The following CPD variants were observed in gnomAD, a reference collection of about 807,000 sequenced individuals.
The protein encoded by CPD is carboxypeptidase D.
Under a neutral mutation model 138.3 loss-of-function variants are expected in CPD, and 69 were observed. That is an observed-to-expected ratio of 0.50 (90% CI 0.41 to 0.61). The LOEUF (loss-of-function observed/expected upper bound fraction) is 0.61. Among genes scored for constraint, CPD ranks in the 20% least tolerant of loss-of-function variants. The pLI is 0.00. For missense variants in CPD, 1,432 were observed against 1,733.3 expected (o/e 0.83, Z 3.09); for synonymous variants, 651 against 642.1 (o/e 1.01, Z -0.21).
chr17:30,381,213 G>C (rs543029135), intron 1 of CPD, among the ~76,000 whole-genome samples: 41 of 152,040 alleles, frequency 2.7e-4, no homozygotes, highest in African/African-American at 9.4e-4. Context: ...ATATGACTTT[G>C]ACATACACTT....
chr17:30,460,966 C>T lies in CPD; in HGVS notation c.3499-214C>T, dbSNP rs560844723. On this transcript the variant is annotated intron_variant, in intron 17 of 20. Coordinates refer to ENST00000225719, the MANE Select transcript of CPD (RefSeq NM_001304.5). ...AGCACTGAAGATAGGAAAATGAATT[C>T]GACATAGCCCCTGTCCTCAAGGGCT... Among the ~76,000 whole-genome samples, 10 of 152,270 alleles carry T rather than the reference C, an allele frequency of 6.6e-5. No individual in the cohort carries two copies. The South Asian group carries it at 8.3e-4, about 13-fold the overall frequency.
intron 2 of CPD, among the ~76,000 whole-genome samples, chr17:30,400,235 G>T (rs556033663): frequency 6.6e-6 from 1 of 152,142 alleles, no homozygotes; most frequent in South Asian, 2.1e-4. Context: ...TGTTTTCAAC[G>T]ATATCTTTTA....
chr17:30,388,394 C>T (rs1452354388), intron 2 of CPD, among the ~76,000 whole-genome samples: 2 of 152,200 alleles, frequency 1.3e-5, no homozygotes, highest in Admixed American at 1.3e-4. Flanking sequence ...CTAAGGGGCA[C>T]CTGCAAGCCA....
At chr17:30,406,011 C>T (rs1325523321) in intron 2 of CPD, among the ~76,000 whole-genome samples, 3 of 151,972 alleles carry the variant, frequency 2.0e-5, no homozygotes, top group Admixed American at 6.6e-5. Flanking sequence ...TCATCCTATA[C>T]ATTTTGTGAT....
Position 30,442,336 on chromosome 17 carries a change from A to G in CPD, c.2259A>G (p.Gln753=), listed in dbSNP as rs766978647. The change falls in exon 10 of 21, where the codon CAA becomes CAG. Residue 753 remains glutamine (Q), a synonymous_variant. Coordinates refer to ENST00000225719, the MANE Select transcript of CPD (RefSeq NM_001304.5). ...PGGMQDWNYL[Q]TNCFEVTIEL... ...GAATGCAGGACTGGAACTATTTACA[A>G]ACAAATTGCTTTGAAGTGACTATTG... 1 of 1,613,326 alleles carries G rather than the reference A, an allele frequency of 6.2e-7. No individual in the cohort carries two copies. Among genetic ancestry groups the G allele is most frequent in the South Asian group, 1.1e-5 (1 of 91,030 alleles).
Position 30,421,691 on chromosome 17 carries a change from A to G in CPD, c.1165A>G (p.Lys389Glu), listed in dbSNP as rs1912269869. ...KVHIGVKGFV[K>E]DSITGSGLEN... ...TCACATTGGAGTGAAAGGATTTGTT[A>G]AAGATTCCATAACAGGATCTGGGTT... Residue 389 changes from lysine to glutamate, a missense_variant, in exon 4 of 21, where the codon AAA (lysine) becomes GAA (glutamate). Physicochemically the swap from Lys to Glu is moderately conservative, Grantham distance 56. Transcript: ENST00000225719. 7.4e-6 allele frequency: 12 copies of G among 1,613,742 alleles called. No individual in the cohort carries two copies. Among genetic ancestry groups the G allele is most frequent in the Non-Finnish European group, 1.0e-5 (12 of 1,179,766 alleles).
chr17:30,387,442 G>T (rs1911222566), intron 2 of CPD, among the ~76,000 whole-genome samples: 1 of 152,142 alleles, frequency 6.6e-6, no homozygotes, highest in South Asian at 2.1e-4. Flanking sequence ...AGCTTGAACT[G>T]TTTACCTTTT....
chr17:30,424,357 G>A (rs1280781933), intron 6 of CPD, among the ~76,000 whole-genome samples: 1 of 152,128 alleles, frequency 6.6e-6, no homozygotes, highest in Admixed American at 6.5e-5. Flanking sequence ...TGGTATTAAT[G>A]CTGATTGACT....
chr17:30,452,136 G>T (rs974098505), intron 14 of CPD, among the ~76,000 whole-genome samples: 7 of 152,112 alleles, frequency 4.6e-5, no homozygotes, highest in African/African-American at 1.7e-4. Flanking sequence ...ATGTATGTGT[G>T]TATGTGTATA....
intron 7 of CPD, among the ~76,000 whole-genome samples, chr17:30,430,951 G>T (rs919556917): frequency 6.6e-6 from 1 of 152,096 alleles, no homozygotes; most frequent in Non-Finnish European, 1.5e-5. Context: ...ACTACTGTAC[G>T]CAGCCCCTGT....
At chr17:30,383,003 T>G (rs1425925925) in intron 1 of CPD, among the ~76,000 whole-genome samples, 1 of 152,084 alleles carries the variant, frequency 6.6e-6, no homozygotes, top group African/African-American at 2.4e-5. Context: ...TTTCCCAGAG[T>G]CAGTGGGGGA....
In CPD at chr17:30,379,505, C is replaced by T; in HGVS notation, c.525C>T (p.Asp175=). ...TGGTCCGCCTGCTCAACACCACCGA[C>T]GTGTACCTGCTGCCCAGCCTCAACC... The part of the protein sequence containing the change: ...PRLVRLLNTT[D]VYLLPSLNPD... Residue 175 remains aspartate (D), a synonymous_variant, in exon 1 of 21, where the codon GAC becomes GAT. Transcript: ENST00000225719. This position sits in a 1 kb window ranked among gnomAD's most constrained non-coding sequence, Gnocchi z 7.0. 1 of 1,571,802 alleles carries T rather than the reference C, an allele frequency of 6.4e-7. No individual in the cohort carries two copies. The highest frequency in any genetic ancestry group is 8.6e-7 in the Non-Finnish European group (1 of 1,163,870).
At chr17:30,446,404 C>T (rs1198173270) in intron 12 of CPD, among the ~76,000 whole-genome samples, 1 of 152,082 alleles carries the variant, frequency 6.6e-6, no homozygotes, top group Non-Finnish European at 1.5e-5. Context: ...CAGTTCCCAC[C>T]TATGAGTGAG....
At chr17:30,444,144 GA>G (rs774271535) in intron 11 of CPD, 173 bp downstream of exon 11, 46,550 of 343,086 alleles carry the variant, frequency 0.14, 2 homozygotes, top group East Asian at 0.18. Flanking sequence ...TAGAGTACAC[GA>G]AAAAAAAAAA....
chr17:30,441,926 A>C (rs928809547), intron 9 of CPD, among the ~76,000 whole-genome samples: 6 of 150,326 alleles, frequency 4.0e-5, no homozygotes, highest in Non-Finnish European at 7.4e-5. Context: ...CTGGCCTCAT[A>C]AAATGAGTTA....
At chr17:30,455,185 C>A in intron 14 of CPD, 154 bp from the exon 15 acceptor site, 2 of 643,610 alleles carry the variant, frequency 3.1e-6, no homozygotes, top group Non-Finnish European at 2.6e-6. Flanking sequence ...ATGTATCTTT[C>A]TTGCTTGAGA....
chr17:30,420,156 G>A (rs1272001015), intron 2 of CPD, among the ~76,000 whole-genome samples: 1 of 152,192 alleles, frequency 6.6e-6, no homozygotes, highest in Non-Finnish European at 1.5e-5. Flanking sequence ...CATGGTGAAG[G>A]TGATAGACCA....
chr17:30,384,956 T>G (rs1396091883), intron 1 of CPD, 33 bp from the exon 2 acceptor site: 2 of 1,593,860 alleles, frequency 1.3e-6, no homozygotes, highest in East Asian at 4.5e-5. Context: ...GTGTCCTTTT[T>G]TAGTGATACG....
chr17:30,381,278 G>A (rs185297027), intron 1 of CPD, among the ~76,000 whole-genome samples: 1 of 152,232 alleles, frequency 6.6e-6, no homozygotes, highest in African/African-American at 2.4e-5. Context: ...CAAATGCACC[G>A]TTTGCATTGC....
Sources: allele counts gnomAD v4.1 joint callset (sites outside exome capture counted in the v4.1 genomes callset), GRCh38; gene constraint gnomAD v4.1.1; non-coding constraint Gnocchi (gnomAD v3.1); transcripts MANE v1.5; gene names NCBI Gene and HGNC (gene_info 2026-07-23, HGNC 2026-07-21).